Variants in MCMBP observed in about 807,000 individuals in gnomAD.
The protein encoded by MCMBP is mini-chromosome maintenance complex-binding protein.
Under a neutral mutation model 81.3 loss-of-function variants are expected in MCMBP, and 31 were observed. The observed-to-expected ratio is 0.38, with a 90% confidence interval of 0.29 to 0.51. The LOEUF (loss-of-function observed/expected upper bound fraction) is 0.51. MCMBP is among the 20% of genes least tolerant of loss of function. The probability of loss-of-function intolerance (pLI) is 0.87; values close to 1 mark genes in which losing one functional copy is unlikely to be tolerated. For missense variants in MCMBP, 645 were observed against 772.1 expected, an observed-to-expected ratio of 0.84 and a Z score of 1.95; for synonymous variants, 267 against 275.9, an observed-to-expected ratio of 0.97 and a Z score of 0.32.
Position 119,865,888 on chromosome 10 carries a change from C to A in MCMBP, c.59-6004G>T, listed in dbSNP as rs184822444. 1.2e-3 allele frequency among the ~76,000 whole-genome samples: 183 copies of A among 151,958 alleles called. 1 individual carries two copies. The Middle Eastern group carries it at 0.014, about 11-fold the overall frequency. ...GCCAGGAGTTTGAGTGTAGCCTGGG[C>A]AACATAGTGAGACCCCAAATCTACA... On this transcript the variant is annotated intron_variant, in intron 1 of 15. Coordinates refer to ENST00000369077, the MANE Select transcript of MCMBP (RefSeq NM_001256378.2).
intron 12 of MCMBP, among the ~76,000 whole-genome samples, 189 bp downstream of exon 12, chr10:119,838,346 C>A (rs998124798): frequency 2.0e-5 from 3 of 150,802 alleles, no homozygotes; most frequent in Non-Finnish European, 3.0e-5. Context: ...TTTCAGAATA[C>A]TATGGCAAAA....
intron 8 of MCMBP, among the ~76,000 whole-genome samples, chr10:119,846,514 T>C (rs1435099692): frequency 6.6e-6 from 1 of 152,182 alleles, no homozygotes; most frequent in Non-Finnish European, 1.5e-5. Context: ...CCAAGTACCT[T>C]CCTCCAAGTT....
At chr10:119,849,319 G>A in intron 7 of MCMBP, 106 bp downstream of exon 7, 2 of 1,185,514 alleles carry the variant, frequency 1.7e-6, no homozygotes, top group South Asian at 2.9e-5. Context: ...GCAGTGATTT[G>A]CTATAGCTAG....
chr10:119,855,433 A>G (rs1012008105), intron 5 of MCMBP, among the ~76,000 whole-genome samples: 1 of 152,220 alleles, frequency 6.6e-6, no homozygotes, highest in Admixed American at 6.5e-5. Context: ...GCACTTTGGG[A>G]GGTTGAGGCA....
intron 1 of MCMBP, among the ~76,000 whole-genome samples, chr10:119,861,953 G>C (rs61869100): frequency 0.055 from 8,377 of 151,974 alleles, 421 homozygotes; most frequent in South Asian, 0.27. Flanking sequence ...ATGTTGTCCA[G>C]GTTGGTCTGG....
intron 1 of MCMBP, among the ~76,000 whole-genome samples, chr10:119,869,907 G>A (rs1017988216): frequency 5.3e-5 from 8 of 152,224 alleles, no homozygotes; most frequent in Admixed American, 2.0e-4. Context: ...CCTGATGTTA[G>A]GAATATGCTA....
At chr10:119,859,991 A>G in intron 1 of MCMBP, 107 bp from the exon 2 acceptor site, 1 of 736,262 alleles carries the variant, frequency 1.4e-6, no homozygotes, top group East Asian at 2.5e-5. Flanking sequence ...ACAAACTAAA[A>G]TTAGCTACTA....
chr10:119,836,858 A>C, intron 13 of MCMBP, 38 bp downstream of exon 13: 2 of 1,488,576 alleles, frequency 1.3e-6, no homozygotes, highest in South Asian at 2.7e-5. Context: ...TATTTTTCCA[A>C]TGTCAACCTC....
At chr10:119,838,277 T>A (rs180838291) in intron 12 of MCMBP, among the ~76,000 whole-genome samples, 1,564 of 148,234 alleles carry the variant, frequency 0.011, 27 homozygotes, top group African/African-American at 0.033. Context: ...ATATATTATA[T>A]ATGATATATA....
chr10:119,859,705 A>G, intron 2 of MCMBP, 94 bp downstream of exon 2: 2 of 759,874 alleles, frequency 2.6e-6, no homozygotes, highest in Non-Finnish European at 4.2e-6. Context: ...TAATTTACAT[A>G]TTTTTAAATT....
In MCMBP at chr10:119,831,437, TAC is replaced by T. The variant is rs751833421; in HGVS notation, c.*35_*36del. The T allele has an allele frequency of 8.7e-6, 14 of 1,609,456 alleles. No individual in the cohort carries two copies. Among genetic ancestry groups the T allele is most frequent in the Non-Finnish European group, 1.2e-5 (14 of 1,177,526 alleles). ...TATCTGAATTTTACAATTATGTGGC[TAC>T]AGTTTGCCCATTACTCTTCATAGGT... On this transcript the variant is annotated 3_prime_UTR_variant, in exon 16 of 16. Transcript: ENST00000369077.
chr10:119,843,158 C>T (rs1272190221), intron 9 of MCMBP, 96 bp downstream of exon 9: 1 of 1,347,980 alleles, frequency 7.4e-7, no homozygotes, highest in East Asian at 2.3e-5. Context: ...GAATGAAGAC[C>T]TGACTCTCAA....
intron 11 of MCMBP, among the ~76,000 whole-genome samples, chr10:119,839,808 C>A (rs1852371855): frequency 6.6e-6 from 1 of 152,172 alleles, no homozygotes; most frequent in Admixed American, 6.5e-5. Flanking sequence ...AGACCACCAC[C>A]CAGTTATCTG....
At chr10:119,850,874 G>GTTTTTTTTTTTTTTTTTTTTTTTTTTTT (rs1284100421) in intron 6 of MCMBP, among the ~76,000 whole-genome samples, 29 of 130,548 alleles carry the variant, frequency 2.2e-4, no homozygotes, top group Non-Finnish European at 3.3e-4. Flanking sequence ...TACAAGATCT[G>GTTTTTTTTTTTTTTTTTTTTTTTTTTTT]TTTTTTTTTT....
At chr10:119,837,180 G>T in intron 12 of MCMBP, 151 bp from the exon 13 acceptor site, 1 of 745,310 alleles carries the variant, frequency 1.3e-6, no homozygotes, top group Non-Finnish European at 2.1e-6. Flanking sequence ...ACGTCACTAA[G>T]TGTGTAGGCT....
At chr10:119,835,489 T>A (rs1246885564) in intron 14 of MCMBP, 51 bp downstream of exon 14, 1 of 1,485,068 alleles carries the variant, frequency 6.7e-7, no homozygotes, top group South Asian at 1.2e-5. Flanking sequence ...GTAAATTGGT[T>A]GCATACTGCA....
chr10:119,854,540 AAAATAAATAAATAAATAAAT>A (rs138139742), intron 5 of MCMBP, among the ~76,000 whole-genome samples: 7,959 of 140,730 alleles, frequency 0.057, 416 homozygotes, highest in South Asian at 0.28. Flanking sequence ...CCCTGTCTCA[AAAATAAATAAATAAATAAAT>A]AAATAAATAA....
At chr10:119,869,458 G>A (rs1853588720) in intron 1 of MCMBP, among the ~76,000 whole-genome samples, 1 of 152,106 alleles carries the variant, frequency 6.6e-6, no homozygotes, top group Non-Finnish European at 1.5e-5. Flanking sequence ...TGTAATCCCA[G>A]CTACTCAGGG....
intron 3 of MCMBP, 33 bp downstream of exon 3, chr10:119,859,008 A>C: frequency 5.0e-6 from 8 of 1,611,762 alleles, no homozygotes; most frequent in Non-Finnish European, 6.8e-6. Flanking sequence ...GACAAAATTA[A>C]TACCACAAAT....
Sources: gnomAD v4.1 joint callset for allele counts (sites outside exome capture counted in the v4.1 genomes callset) on GRCh38, gnomAD v4.1.1 for gene constraint, MANE v1.5 for transcripts, NCBI Gene and HGNC (gene_info 2026-07-23, HGNC 2026-07-21) for gene names.